The following GDA variants were observed in gnomAD, a reference collection of about 807,000 sequenced individuals.
GDA encodes cytoplasmic PSD-95 interactor.
In GDA, 18 loss-of-function variants were observed where a neutral mutation model predicts 59.6. The ratio of observed to expected loss-of-function variants is 0.30; its 90% confidence interval spans 0.21 to 0.45. GDA has a LOEUF of 0.45. Among genes scored for constraint, GDA ranks in the 20% least tolerant of loss-of-function variants. The pLI is 1.00. For missense variants in GDA, 427 were observed against 552.3 expected (o/e 0.77, Z 2.27); for synonymous variants, 201 against 201.1 (o/e 1.00, Z 0.00).
chr9:72,226,968 A>C (rs936742739), intron 8 of GDA, among the ~76,000 whole-genome samples: 2 of 152,088 alleles, frequency 1.3e-5, no homozygotes, highest in Non-Finnish European at 2.9e-5. Context: ...ATACAAAAAA[A>C]TTAGCCAGGC....
At chr9:72,137,208 A>T (rs1364983302) in intron 1 of GDA, among the ~76,000 whole-genome samples, 1 of 48,082 alleles carries the variant, frequency 2.1e-5, no homozygotes, top group Non-Finnish European at 5.1e-5. Context: ...AAATAAATTA[A>T]AAAAAAAAAA....
At chr9:72,135,221 CGTGTGT>C (rs58242514) in intron 1 of GDA, among the ~76,000 whole-genome samples, 17,578 of 148,500 alleles carry the variant, frequency 0.12, 2,065 homozygotes, top group African/African-American at 0.31. Flanking sequence ...GGCCTACGTA[CGTGTGT>C]GTGTGTGTGT....
intron 1 of GDA, among the ~76,000 whole-genome samples, chr9:72,177,590 A>C (rs1460582035): frequency 6.6e-6 from 1 of 152,194 alleles, no homozygotes; most frequent in Non-Finnish European, 1.5e-5. Flanking sequence ...AGAAAAAAAA[A>C]CAAAAACATC....
At chr9:72,221,640 G>A (rs541114954) in intron 6 of GDA, among the ~76,000 whole-genome samples, 3 of 152,244 alleles carry the variant, frequency 2.0e-5, no homozygotes, top group South Asian at 4.1e-4. Flanking sequence ...TTGTTGTGCA[G>A]ATTATTTCAT....
intron 1 of GDA, among the ~76,000 whole-genome samples, chr9:72,177,092 CTTTTT>C (rs58433062): frequency 1.5e-5 from 1 of 67,798 alleles, no homozygotes; most frequent in South Asian, 7.3e-4. Flanking sequence ...TTATAAACTG[CTTTTT>C]TTTTTTTTTT....
chr9:72,167,195 T>C (rs1252860693), intron 1 of GDA, among the ~76,000 whole-genome samples: 3 of 152,184 alleles, frequency 2.0e-5, no homozygotes, highest in Non-Finnish European at 2.9e-5. Context: ...TAACCAGATA[T>C]TGCATCCAGA....
intron 6 of GDA, among the ~76,000 whole-genome samples, chr9:72,220,673 C>T (rs1377035367): frequency 6.6e-6 from 1 of 152,022 alleles, no homozygotes; most frequent in African/African-American, 2.4e-5. Flanking sequence ...GCTTGATGGG[C>T]GTGGGCTGAC....
At chr9:72,193,952 ACTACTGC>A (rs1832860591) in intron 1 of GDA, 1 of 152,342 alleles carries the variant, frequency 6.6e-6, no homozygotes, top group Non-Finnish European at 1.5e-5. Context: ...GTCCTGCCAG[ACTACTGC>A]CTATGTTCCC....
intron 1 of GDA, among the ~76,000 whole-genome samples, chr9:72,124,797 A>T (rs895265031): frequency 2.0e-4 from 31 of 152,046 alleles, no homozygotes; most frequent in Non-Finnish European, 2.5e-4. Flanking sequence ...TTTAGTAGAG[A>T]TGGGGTTTCA....
At chr9:72,195,772 A>G (rs1833101810) in intron 2 of GDA, among the ~76,000 whole-genome samples, 184 bp downstream of exon 2, 1 of 152,194 alleles carries the variant, frequency 6.6e-6, no homozygotes, top group South Asian at 2.1e-4. Flanking sequence ...AAGGATGGAA[A>G]CTTAGAGAGC....
intron 1 of GDA, among the ~76,000 whole-genome samples, chr9:72,156,170 G>A (rs1827866679): frequency 6.6e-6 from 1 of 152,166 alleles, no homozygotes. Context: ...ATAGTACAGT[G>A]GGGCACAAGT....
chr9:72,131,648 G>GACACAC (rs146874035), intron 1 of GDA, among the ~76,000 whole-genome samples: 68,337 of 150,964 alleles, frequency 0.45, 17,468 homozygotes, highest in Non-Finnish European at 0.58. Context: ...CACGTGCACA[G>GACACAC]ACACACACAC....
intron 2 of GDA, among the ~76,000 whole-genome samples, chr9:72,201,018 C>T: frequency 6.6e-6 from 1 of 152,018 alleles, no homozygotes; most frequent in East Asian, 1.9e-4. Flanking sequence ...ACAGTACTCT[C>T]ATACTTACTA....
At chr9:72,178,087 A>C (rs1354786960) in intron 1 of GDA, among the ~76,000 whole-genome samples, 1 of 152,230 alleles carries the variant, frequency 6.6e-6, no homozygotes, top group African/African-American at 2.4e-5. Flanking sequence ...ACACAGCTAC[A>C]TGCTTTGATG....
At chr9:72,187,136 G>A (rs1482065076) in intron 1 of GDA, among the ~76,000 whole-genome samples, 6 of 152,188 alleles carry the variant, frequency 3.9e-5, no homozygotes, top group Non-Finnish European at 7.3e-5. Context: ...TGAAAGTGGA[G>A]TCACTCTCAA....
At chr9:72,140,654 G>A (rs374526278) in intron 1 of GDA, among the ~76,000 whole-genome samples, 1 of 151,992 alleles carries the variant, frequency 6.6e-6, no homozygotes, top group Non-Finnish European at 1.5e-5. Context: ...TATGTGTTCC[G>A]GGCCATTAAA....
chr9:72,180,067 A>T (rs1198816134), intron 1 of GDA, among the ~76,000 whole-genome samples: 5 of 152,054 alleles, frequency 3.3e-5, no homozygotes, highest in Admixed American at 6.6e-5. Flanking sequence ...AAGTTTTTTT[A>T]AAAATGGCCA....
At chr9:72,198,245 T>C (rs1292248220) in intron 2 of GDA, among the ~76,000 whole-genome samples, 5 of 138,958 alleles carry the variant, frequency 3.6e-5, no homozygotes, top group Non-Finnish European at 7.8e-5. Flanking sequence ...AATACAAAAA[T>C]TAGCCAGGTG....
intron 2 of GDA, among the ~76,000 whole-genome samples, chr9:72,198,161 G>A (rs1308909573): frequency 1.3e-5 from 2 of 152,130 alleles, no homozygotes; most frequent in Non-Finnish European, 2.9e-5. Context: ...TTGGGAGGCC[G>A]AGGCAGGCGG....
Sources: allele counts gnomAD v4.1 joint callset (sites outside exome capture counted in the v4.1 genomes callset), GRCh38; gene constraint gnomAD v4.1.1; transcripts MANE v1.5; gene names NCBI Gene and HGNC (gene_info 2026-07-23, HGNC 2026-07-21).